The following EFL1 variants were observed in gnomAD, a reference collection of about 807,000 sequenced individuals.
EFL1 encodes elongation factor like GTPase 1, also known as elongation factor-like GTPase 1.
Under a neutral mutation model 126.7 loss-of-function variants are expected in EFL1, and 76 were observed. That is an observed-to-expected ratio of 0.60 (90% CI 0.50 to 0.73). EFL1 has a LOEUF of 0.73. EFL1 is among the 30% of genes least tolerant of loss of function. EFL1 has a pLI of 0.00. For missense variants in EFL1, 1,128 were observed against 1,343.2 expected, an observed-to-expected ratio of 0.84 and a Z score of 2.50; for synonymous variants, 410 against 448.4, an observed-to-expected ratio of 0.91 and a Z score of 1.08.
rs370634107 is a variant in EFL1 at position 82,231,744 on chromosome 15, A to G, written c.732-773T>C. Among the ~76,000 whole-genome samples the G allele has an allele frequency of 4.5e-4, 69 of 152,306 alleles. No individual in the cohort carries two copies. The South Asian group carries it at 0.014, about 32-fold the overall frequency. ...ATGCAATCGCACAAGAAAAGGAAAT[A>G]AAGGGTATACTGATTAGAAAAGAAG... On this transcript the variant is annotated intron_variant, in intron 7 of 19. Coordinates refer to ENST00000268206, the MANE Select transcript of EFL1 (RefSeq NM_024580.6).
chr15:82,261,208 A>AC (rs2141348105), intron 2 of EFL1, among the ~76,000 whole-genome samples: 1 of 151,078 alleles, frequency 6.6e-6, no homozygotes, highest in South Asian at 2.1e-4. Flanking sequence ...CTTAGAGTCT[A>AC]CTTTTTTCTC....
chr15:82,146,000 T>C (rs945879850), intron 18 of EFL1, among the ~76,000 whole-genome samples: 10 of 151,400 alleles, frequency 6.6e-5, no homozygotes, highest in African/African-American at 2.4e-4. Context: ...AAGAATTCAA[T>C]GACAAGCAGG....
At chr15:82,242,262 T>C (rs1403204843) in intron 4 of EFL1, among the ~76,000 whole-genome samples, 1 of 150,654 alleles carries the variant, frequency 6.6e-6, no homozygotes, top group Non-Finnish European at 1.5e-5. Flanking sequence ...CTCAAACATA[T>C]ACTTTACTTT....
intron 7 of EFL1, among the ~76,000 whole-genome samples, chr15:82,233,503 T>G (rs918481199): frequency 6.6e-6 from 1 of 152,272 alleles, no homozygotes; most frequent in East Asian, 1.9e-4. Context: ...AGCTACCCAG[T>G]AGATTAATGT....
chr15:82,189,258 T>C (rs2074333415), intron 15 of EFL1, among the ~76,000 whole-genome samples: 2 of 152,308 alleles, frequency 1.3e-5, no homozygotes, highest in Admixed American at 1.3e-4. Flanking sequence ...ATATACGTAA[T>C]CCTTCACTGA....
At chr15:82,230,823 C>A in intron 8 of EFL1, 25 bp downstream of exon 8, 1 of 1,583,324 alleles carries the variant, frequency 6.3e-7, no homozygotes. Flanking sequence ...TGACCAACAA[C>A]CAAAAGGGAC....
intron 15 of EFL1, among the ~76,000 whole-genome samples, chr15:82,171,897 A>C (rs1013590418): frequency 5.3e-5 from 8 of 152,086 alleles, no homozygotes; most frequent in South Asian, 2.1e-4. Context: ...ACACACACAC[A>C]CCCTGTAAAG....
intron 15 of EFL1, among the ~76,000 whole-genome samples, chr15:82,199,016 T>C (rs928202743): frequency 4.0e-5 from 6 of 151,738 alleles, no homozygotes; most frequent in African/African-American, 7.3e-5. Context: ...GAGGAAAAAA[T>C]AGTTCACTGC....
intron 14 of EFL1, among the ~76,000 whole-genome samples, chr15:82,217,529 TAA>T (rs55892674): frequency 1.4e-5 from 2 of 145,546 alleles, no homozygotes; most frequent in Non-Finnish European, 1.5e-5. Context: ...CTCACAAAGT[TAA>T]AAAAAAAAAG....
At chr15:82,174,945 G>A (rs909165267) in intron 15 of EFL1, among the ~76,000 whole-genome samples, 5 of 152,178 alleles carry the variant, frequency 3.3e-5, no homozygotes, top group African/African-American at 7.2e-5. Flanking sequence ...TTCCTTGAGC[G>A]CAGGCTCTGA....
At chr15:82,259,238 C>A in intron 2 of EFL1, 83 bp from the exon 3 acceptor site, 2 of 1,256,208 alleles carry the variant, frequency 1.6e-6, no homozygotes, top group South Asian at 2.5e-5. Context: ...AAAATCTGGT[C>A]ATAAGAATTG....
At chr15:82,197,186 A>C (rs1313264709) in intron 15 of EFL1, among the ~76,000 whole-genome samples, 2 of 152,368 alleles carry the variant, frequency 1.3e-5, no homozygotes, top group Admixed American at 6.5e-5. Context: ...AAGAAAAACA[A>C]CTATTATACA....
chr15:82,217,675 A>G (rs1167796234), intron 14 of EFL1, among the ~76,000 whole-genome samples: 1 of 152,228 alleles, frequency 6.6e-6, no homozygotes, highest in Non-Finnish European at 1.5e-5. Flanking sequence ...GATGTGGCAG[A>G]CAGACTAAAA....
At chr15:82,163,586 C>T (rs2074045737) in intron 16 of EFL1, among the ~76,000 whole-genome samples, 1 of 152,126 alleles carries the variant, frequency 6.6e-6, no homozygotes, top group African/African-American at 2.4e-5. Context: ...AAGCTACAAT[C>T]CTATGCCAGG....
At chr15:82,195,396 T>G (rs137993601) in intron 15 of EFL1, among the ~76,000 whole-genome samples, 342 of 152,316 alleles carry the variant, frequency 2.2e-3, no homozygotes, top group African/African-American at 7.8e-3. Context: ...CAGATTAATA[T>G]ATCTACTAAT....
chr15:82,137,588 A>G (rs1351874836), intron 19 of EFL1, among the ~76,000 whole-genome samples: 1 of 152,214 alleles, frequency 6.6e-6, no homozygotes, highest in Non-Finnish European at 1.5e-5. Context: ...TGTCCAAATA[A>G]ATAGAAGAAT....
rs553879353 is a variant in EFL1 at position 82,225,309 on chromosome 15, A to T, written c.1193-45T>A. The T allele has an allele frequency of 6.5e-4, 463 of 717,072 alleles. 1 individual carries two copies. The African/African-American group carries it at 7.4e-3, about 12-fold the overall frequency. The allele number at this position is 717,072 out of a possible 1,614,324, so 44.4% of individuals were successfully genotyped here. A position where few individuals can be genotyped will look rare whatever the true frequency, so the allele number is the denominator to read the frequency against. On this transcript the variant is annotated intron_variant, in intron 11 of 19. Transcript: ENST00000268206. ...AAATGTCACTATTTTTCCCATTATT[A>T]AAAAAAAAAAACAGATTTTTCTGGA...
At chr15:82,220,605 C>T (rs1378437640) in intron 12 of EFL1, among the ~76,000 whole-genome samples, 1 of 152,142 alleles carries the variant, frequency 6.6e-6, no homozygotes, top group East Asian at 1.9e-4. Context: ...AGCATAAGGC[C>T]TCAATAACTG....
At chr15:82,156,806 C>A (rs2073973260) in intron 17 of EFL1, among the ~76,000 whole-genome samples, 1 of 152,114 alleles carries the variant, frequency 6.6e-6, no homozygotes, top group African/African-American at 2.4e-5. Context: ...CATTACAGGG[C>A]AGTTTATAAT....
Sources: allele counts gnomAD v4.1 joint callset (sites outside exome capture counted in the v4.1 genomes callset), GRCh38; gene constraint gnomAD v4.1.1; transcripts MANE v1.5; gene names NCBI Gene and HGNC (gene_info 2026-07-23, HGNC 2026-07-21).